Variants in YBEY observed in about 807,000 individuals in gnomAD.
The protein encoded by YBEY is endoribonuclease YbeY.
YBEY carries 15 observed loss-of-function variants against 13.5 expected under a neutral mutation model. The observed-to-expected ratio is 1.11, with a 90% CI of 0.75 to 1.72. The LOEUF (loss-of-function observed/expected upper bound fraction) is 1.72, where lower values mean the gene tolerates loss of function less well. Among genes scored for constraint, YBEY ranks in the 40% most tolerant of loss-of-function variants. The probability of loss-of-function intolerance (pLI) is 0.00; values close to 1 mark genes in which losing one functional copy is unlikely to be tolerated. For missense variants in YBEY, 244 were observed against 208.4 expected (o/e 1.17, Z -1.05); for synonymous variants, 101 against 83.1 (o/e 1.21, Z -1.17).
chr21:46,287,027 G>A lies in YBEY; in HGVS notation c.114G>A (p.Gly38=). ...RILGVQKFDL[G]IICVDNKNIQ... Reference sequence around the variant, plus strand: ...TAGGAGTGCAGAAATTTGACCTGGGGATCATCTGTGTTGACAACAAGAATA... The same window carrying A: ...TAGGAGTGCAGAAATTTGACCTGGGAATCATCTGTGTTGACAACAAGAATA... The change falls in exon 2 of 5, where the codon GGG becomes GGA. Residue 38 remains glycine, a synonymous_variant. Coordinates refer to ENST00000397701, the MANE Select transcript of YBEY (RefSeq NM_001314025.2). 6.2e-7 allele frequency: 1 copy of A among 1,613,966 alleles called. No homozygotes were observed. The highest frequency in any genetic ancestry group is 1.7e-5 in the Admixed American group (1 of 59,980).
chr21:46,291,208 A>AT, intron 2 of YBEY, 126 bp from the exon 3 acceptor site: 1 of 1,145,052 alleles, frequency 8.7e-7, no homozygotes, highest in Non-Finnish European at 1.1e-6. Flanking sequence ...AAAAAAAAAA[A>AT]AAAAAAAAGT....
At chr21:46,311,642 T>TCCAC in the YBEY span, 1 of 801,040 alleles carries the variant, frequency 1.2e-6, no homozygotes, top group East Asian at 3.0e-5. Context: ...CACCCATCCA[T>TCCAC]CCACCCACCC....
intron 2 of YBEY, among the ~76,000 whole-genome samples, chr21:46,288,113 T>C (rs2081538158): frequency 6.6e-6 from 1 of 152,188 alleles, no homozygotes; most frequent in Admixed American, 6.5e-5. Context: ...GCTTCTGCAA[T>C]ATTTTTGCAG....
intron 2 of YBEY, among the ~76,000 whole-genome samples, chr21:46,288,822 A>C (rs1406232999): frequency 6.6e-6 from 1 of 152,240 alleles, no homozygotes; most frequent in Non-Finnish European, 1.5e-5. Context: ...GTTCAAGACC[A>C]GTCTGGGCAA....
At chr21:46,304,062 T>C in the YBEY span, among the ~76,000 whole-genome samples, 2 of 121,106 alleles carry the variant, frequency 1.7e-5, no homozygotes, top group African/African-American at 6.4e-5. Context: ...AGTCTCACTG[T>C]GTCACCCAGG....
At chr21:46,302,412 C>A, downstream of YBEY, 1 of 1,251,532 alleles carries the variant, frequency 8.0e-7, no homozygotes, top group Admixed American at 2.1e-5. Context: ...TACACAGATG[C>A]AGAAATTTCC....
chr21:46,304,044 T>TG, the YBEY span, among the ~76,000 whole-genome samples: 7 of 68,594 alleles, frequency 1.0e-4, no homozygotes, highest in Non-Finnish European at 1.9e-4. Context: ...TTTTTTTTTT[T>TG]GAGACGGAGT....
At chr21:46,287,230 C>T (rs1236468610) in intron 2 of YBEY, 107 bp downstream of exon 2, 3 of 1,134,524 alleles carry the variant, frequency 2.6e-6, no homozygotes, top group Non-Finnish European at 3.7e-6. Flanking sequence ...GAGTCTTGCT[C>T]TGTCACCCAG....
chr21:46,297,519 G>T lies in YBEY; in HGVS notation c.409-20G>T. On this transcript the variant is annotated intron_variant, in intron 4 of 4. Transcript: ENST00000397701. ...CGGACACCTTCCCTGGGGAGGGCCA[G>T]CGCGCTTCCTTCCTTCCAGATGTTC... The T allele has an allele frequency of 7.3e-7, 1 of 1,363,758 alleles. No homozygotes were observed. The highest frequency in any genetic ancestry group is 3.1e-5 in the East Asian group (1 of 32,578). 84.5% of individuals were successfully genotyped at this position (1,363,758 alleles called of 1,614,324 possible). A position where few individuals can be genotyped will look rare whatever the true frequency, so the allele number is the denominator to read the frequency against.
At chr21:46,291,019 GAAAAAAA>G (rs1232426831) in intron 2 of YBEY, among the ~76,000 whole-genome samples, 5 of 130,002 alleles carry the variant, frequency 3.8e-5, no homozygotes, top group Non-Finnish European at 8.0e-5. Context: ...TCTGTCTCAG[GAAAAAAA>G]AAAAAAAAAG....
intron 2 of YBEY, among the ~76,000 whole-genome samples, chr21:46,290,931 G>C (rs940128494): frequency 6.6e-6 from 1 of 151,010 alleles, no homozygotes; most frequent in African/African-American, 2.4e-5. Context: ...TGTAGTCCCA[G>C]CTACTCGGGA....
At chr21:46,295,864 C>A (rs1426848337) in intron 3 of YBEY, among the ~76,000 whole-genome samples, 2 of 151,744 alleles carry the variant, frequency 1.3e-5, no homozygotes, top group Non-Finnish European at 2.9e-5. Context: ...ATATTCCATC[C>A]CCCCTTGCCC....
the YBEY span, among the ~76,000 whole-genome samples, chr21:46,305,298 G>GTT: frequency 1.2e-4 from 15 of 124,542 alleles, 1 homozygote; most frequent in South Asian, 3.9e-3. Flanking sequence ...AAGTTACATG[G>GTT]TTTTTTTTTT....
the YBEY span, among the ~76,000 whole-genome samples, chr21:46,311,150 G>A: frequency 3.1e-3 from 472 of 152,204 alleles, 1 homozygote; most frequent in African/African-American, 0.01. Context: ...GATTACAAGC[G>A]TGAGCCACCG....
intron 3 of YBEY, among the ~76,000 whole-genome samples, chr21:46,294,811 T>C (rs1274585180): frequency 1.3e-5 from 2 of 151,772 alleles, no homozygotes; most frequent in African/African-American, 4.9e-5. Flanking sequence ...TATGAGTGAA[T>C]CATACTTAAC....
At position 46,297,525 on chromosome 21, in the gene YBEY, T is replaced by C. The variant is rs1027368168; in HGVS notation, c.409-14T>C. The C allele has an allele frequency of 1.5e-6, 2 of 1,366,348 alleles. No individual in the cohort carries two copies. Among genetic ancestry groups the C allele is most frequent in the Non-Finnish European group, 1.9e-6 (2 of 1,048,512 alleles). The allele number at this position is 1,366,348 out of a possible 1,614,324, so 84.6% of individuals were successfully genotyped here. On this transcript the variant is annotated splice_polypyrimidine_tract_variant and intron_variant, in intron 4 of 4. Coordinates refer to ENST00000397701, the MANE Select transcript of YBEY (RefSeq NM_001314025.2). The stretch of plus-strand genomic sequence containing the variant: ...CCTTCCCTGGGGAGGGCCAGCGCGC[T>C]TCCTTCCTTCCAGATGTTCCAGAAG...
rs1217678291 is a variant in YBEY, at chr21:46,296,356, G to C, written c.408+126G>C. 4 of 1,011,686 alleles carry C rather than the reference G, an allele frequency of 4.0e-6. No individual in the cohort carries two copies. The Admixed American group carries it at 9.0e-5, about 23-fold the overall frequency. 62.7% of individuals were successfully genotyped at this position (1,011,686 alleles called of 1,614,324 possible). On this transcript the variant is annotated intron_variant, in intron 4 of 4. Coordinates refer to ENST00000397701, the MANE Select transcript of YBEY (RefSeq NM_001314025.2). The stretch of plus-strand genomic sequence containing the variant: ...GGAACTGGACCTCAGACCTGCCCTT[G>C]TAAAAATGACACAGATGTTTGCTTT...
downstream of YBEY, chr21:46,301,816 C>A (rs1017272717): frequency 7.9e-7 from 1 of 1,262,100 alleles, no homozygotes. Flanking sequence ...CTGGAATGGC[C>A]CCGTGACCAG....
At chr21:46,297,335 G>A (rs1451058543) in intron 4 of YBEY, among the ~76,000 whole-genome samples, 1 of 139,086 alleles carries the variant, frequency 7.2e-6, no homozygotes. Flanking sequence ...TTATTCTCCC[G>A]GCCTGTGGCG....
Sources: allele counts gnomAD v4.1 joint callset (sites outside exome capture counted in the v4.1 genomes callset), GRCh38; gene constraint gnomAD v4.1.1; transcripts MANE v1.5; gene names NCBI Gene and HGNC (gene_info 2026-07-23, HGNC 2026-07-21).